The following FRMD3 variants were observed in gnomAD, a reference collection of about 807,000 sequenced individuals.
FRMD3 encodes FERM domain-containing protein 3.
A neutral mutation model predicts 70.2 loss-of-function variants in FRMD3; 33 were observed. The observed-to-expected ratio is 0.47, with a 90% CI of 0.36 to 0.63. FRMD3 has a LOEUF of 0.63. Ranked by LOEUF, FRMD3 falls within the 20% of genes least tolerant of loss-of-function variation. The pLI, the probability that FRMD3 is intolerant of heterozygous loss-of-function variation, is 0.00. For synonymous variants in FRMD3, 279 were observed against 255.9 expected, an observed-to-expected ratio of 1.09 and a Z score of -0.86; for missense variants, 632 against 711.4, an observed-to-expected ratio of 0.89 and a Z score of 1.27.
chr9:83,297,858 G>A (rs1040929080), intron 12 of FRMD3: 3 of 471,108 alleles, frequency 6.4e-6, no homozygotes, highest in Non-Finnish European at 1.3e-5. Flanking sequence ...GCTCCCCGGT[G>A]TGGGAGAGAA....
chr9:83,336,444 T>C (rs1823581522), intron 5 of FRMD3, among the ~76,000 whole-genome samples: 1 of 151,238 alleles, frequency 6.6e-6, no homozygotes, highest in South Asian at 2.1e-4. Context: ...GGGGTTCCAT[T>C]CACAGCTAAT....
Position 83,246,268 on chromosome 9 carries a change from C to T in FRMD3, c.*1650G>A, listed in dbSNP as rs1282032752. ...TTTCAATCCACAGAGAAGCTCTATG[C>T]TCCATGGCATAAGTTCTAGACTCTT... On this transcript the variant is annotated 3_prime_UTR_variant, in exon 14 of 14. Transcript: ENST00000304195. 1.0e-6 allele frequency: 1 copy of T among 984,744 alleles called. No homozygotes were observed. The highest frequency in any genetic ancestry group is 1.1e-4 in the East Asian group (1 of 8,780). 61.0% of individuals were successfully genotyped at this position (984,744 alleles called of 1,614,324 possible). A position where few individuals can be genotyped will look rare whatever the true frequency, so the allele number is the denominator to read the frequency against.
chr9:83,546,726 C>T, the FRMD3 span, among the ~76,000 whole-genome samples: 1 of 151,862 alleles, frequency 6.6e-6, no homozygotes, highest in South Asian at 2.1e-4. Context: ...AACCCCGTCT[C>T]TACTAAAAAT....
intron 1 of FRMD3, among the ~76,000 whole-genome samples, chr9:83,529,366 C>T (rs1186151889): frequency 2.0e-5 from 3 of 152,100 alleles, no homozygotes; most frequent in Non-Finnish European, 2.9e-5. Flanking sequence ...TTAATAGATA[C>T]AGATTTATTC....
intron 1 of FRMD3, among the ~76,000 whole-genome samples, chr9:83,525,152 G>A (rs1036936110): frequency 6.6e-6 from 1 of 152,132 alleles, no homozygotes; most frequent in Non-Finnish European, 1.5e-5. Flanking sequence ...TGACTTTCCA[G>A]ATTAACGTTT....
chr9:83,454,295 A>T (rs1385037385), intron 1 of FRMD3, among the ~76,000 whole-genome samples: 1 of 152,184 alleles, frequency 6.6e-6, no homozygotes, highest in Non-Finnish European at 1.5e-5. Context: ...AACAAAGGTG[A>T]TTTATTCTAC....
intron 1 of FRMD3, among the ~76,000 whole-genome samples, chr9:83,472,951 A>T (rs926456861): frequency 5.3e-5 from 8 of 151,968 alleles, no homozygotes; most frequent in Admixed American, 2.0e-4. Context: ...CTGCCTCTTC[A>T]TTTCCCTTCT....
At chr9:83,434,702 C>A (rs887354282) in intron 1 of FRMD3, among the ~76,000 whole-genome samples, 25 of 151,740 alleles carry the variant, frequency 1.6e-4, no homozygotes, top group Non-Finnish European at 3.1e-4. Context: ...CAGTGGAGGT[C>A]AAGGAGAAAA....
chr9:83,307,844 A>G (rs1361813994), intron 10 of FRMD3, among the ~76,000 whole-genome samples: 1 of 152,234 alleles, frequency 6.6e-6, no homozygotes, highest in African/African-American at 2.4e-5. Flanking sequence ...TTTTTAAAAC[A>G]AAATAAAAAA....
upstream of FRMD3, among the ~76,000 whole-genome samples, chr9:83,539,321 C>A (rs1340762885): frequency 6.6e-6 from 1 of 152,164 alleles, no homozygotes; most frequent in Non-Finnish European, 1.5e-5. Context: ...GTGGCTAGAG[C>A]CACTGTGTCA....
chr9:83,461,368 T>A (rs1429692847), intron 1 of FRMD3, among the ~76,000 whole-genome samples: 2 of 152,190 alleles, frequency 1.3e-5, no homozygotes, highest in African/African-American at 2.4e-5. Context: ...ATTGACACTG[T>A]GATTTTTAGC....
At chr9:83,455,214 G>A (rs920759274) in intron 1 of FRMD3, among the ~76,000 whole-genome samples, 1 of 152,032 alleles carries the variant, frequency 6.6e-6, no homozygotes, top group African/African-American at 2.4e-5. Context: ...TTAGGTCTGT[G>A]CACTTCTTTA....
chr9:83,431,179 T>C (rs1175788392), intron 1 of FRMD3, among the ~76,000 whole-genome samples: 1 of 152,220 alleles, frequency 6.6e-6, no homozygotes, highest in Non-Finnish European at 1.5e-5. Flanking sequence ...AGCGTGGATG[T>C]TTGAGAACAT....
chr9:83,540,795 AAAC>A (rs1355624607), upstream of FRMD3, among the ~76,000 whole-genome samples: 1 of 152,268 alleles, frequency 6.6e-6, no homozygotes, highest in Non-Finnish European at 1.5e-5. Context: ...GTATTTTTAC[AAAC>A]AACAGAGCTC....
chr9:83,262,872 A>G (rs1354623593), intron 13 of FRMD3, among the ~76,000 whole-genome samples: 1 of 152,128 alleles, frequency 6.6e-6, no homozygotes, highest in African/African-American at 2.4e-5. Context: ...TTGACTCCTT[A>G]TGGCCCATTT....
At chr9:83,568,576 G>T in the FRMD3 span, among the ~76,000 whole-genome samples, 1 of 152,094 alleles carries the variant, frequency 6.6e-6, no homozygotes, top group Non-Finnish European at 1.5e-5. Context: ...CTCATGTGTG[G>T]AATCTAAAAG....
intron 6 of FRMD3, among the ~76,000 whole-genome samples, chr9:83,316,148 C>CTTT (rs369641019): frequency 2.7e-4 from 36 of 134,494 alleles, no homozygotes; most frequent in African/African-American, 3.7e-4. Context: ...TCTTTTTTCT[C>CTTT]TTTTTTTTTT....
chr9:83,576,168 C>T, the FRMD3 span, among the ~76,000 whole-genome samples: 1 of 151,964 alleles, frequency 6.6e-6, no homozygotes, highest in South Asian at 2.1e-4. Flanking sequence ...CAAACAAATC[C>T]AACAACATAC....
chr9:83,369,018 C>A (rs1824882104), intron 3 of FRMD3, among the ~76,000 whole-genome samples: 1 of 152,002 alleles, frequency 6.6e-6, no homozygotes, highest in African/African-American at 2.4e-5. Flanking sequence ...CCACACCCAG[C>A]TAATTTTTGT....
Sources: gnomAD v4.1 joint callset for allele counts (sites outside exome capture counted in the v4.1 genomes callset) on GRCh38, gnomAD v4.1.1 for gene constraint, MANE v1.5 for transcripts, NCBI Gene and HGNC (gene_info 2026-07-23, HGNC 2026-07-21) for gene names.